GCLM: variants seen among roughly 807,000 people sequenced by gnomAD.
GCLM encodes glutamate--cysteine ligase regulatory subunit.
GCLM carries 15 observed loss-of-function variants against 36.0 expected under a neutral mutation model. The ratio of observed to expected loss-of-function variants is 0.42; its 90% CI spans 0.28 to 0.64. The LOEUF is 0.64. Among genes scored for constraint, GCLM ranks in the 30% least tolerant of loss-of-function variants. The pLI is 0.25. For missense variants in GCLM, 242 were observed against 325.5 expected (o/e 0.74, Z 1.97); for synonymous variants, 129 against 122.8 (o/e 1.05, Z -0.34).
Position 93,898,345 on chromosome 1 carries a change from T to G in GCLM, c.278-447A>C, listed in dbSNP as rs1285771581. ...AAAAAAAAAAGGCCACAATTCTACCTTCCCAATACAATCATTTTCATTTTC... is the reference window on the plus strand; with the variant it reads ...AAAAAAAAAAGGCCACAATTCTACCGTCCCAATACAATCATTTTCATTTTC... On this transcript the variant is annotated intron_variant, in intron 3 of 6. Transcript: ENST00000370238. 2.2e-5 allele frequency among the ~76,000 whole-genome samples: 3 copies of G among 137,944 alleles called. No individual in the cohort carries two copies. In the Admixed American group the frequency reaches 2.2e-4, roughly 10 times the overall value. The allele number at this position is 137,944 out of a possible 152,430, so 90.5% of individuals were successfully genotyped here. A position where few individuals can be genotyped will look rare whatever the true frequency, so the allele number is the denominator to read the frequency against.
intron 4 of GCLM, among the ~76,000 whole-genome samples, chr1:93,897,452 A>C (rs1461321963): frequency 3.9e-5 from 6 of 152,060 alleles, no homozygotes; most frequent in Non-Finnish European, 7.4e-5. Context: ...TTATTTAAGT[A>C]TTGAATAACT....
intron 4 of GCLM, among the ~76,000 whole-genome samples, chr1:93,897,178 A>T (rs1019319675): frequency 6.6e-6 from 1 of 152,156 alleles, no homozygotes; most frequent in Non-Finnish European, 1.5e-5. Flanking sequence ...TTTCTTCTCC[A>T]GTTCTACTTG....
chr1:93,888,048 C>G lies in GCLM; in HGVS notation c.*942G>C, dbSNP rs1345059331. The G allele has an allele frequency of 6.6e-6, 1 of 151,646 alleles. No individual in the cohort carries two copies. Among genetic ancestry groups the G allele is most frequent in the Non-Finnish European group, 1.5e-5 (1 of 67,914 alleles). The allele number at this position is 151,646 out of a possible 1,614,324, so 9.4% of individuals were successfully genotyped here. A position where few individuals can be genotyped will look rare whatever the true frequency, so the allele number is the denominator to read the frequency against. On this transcript the variant is annotated 3_prime_UTR_variant, in exon 7 of 7. Coordinates refer to ENST00000370238, the MANE Select transcript of GCLM (RefSeq NM_002061.4). Reference sequence around the variant, plus strand: ...TGAATTAAGGATTTTTTTTTCATCCCCTTTCTGGCTTTTAGTCCTTCCTAG... The same window carrying G: ...TGAATTAAGGATTTTTTTTTCATCCGCTTTCTGGCTTTTAGTCCTTCCTAG...
Position 93,885,660 on chromosome 1 carries a change from A to G in GCLM, c.*3330T>C, listed in dbSNP as rs2100898045. On this transcript the variant is annotated 3_prime_UTR_variant, in exon 7 of 7. Transcript: ENST00000370238. ...GGTGTATTTGAATATGAAAACACAA[A>G]TGACACAAATGGTTTAAGTCTTCAT... 1 of 152,352 alleles carries G rather than the reference A, an allele frequency of 6.6e-6. No homozygotes were observed. Among genetic ancestry groups the G allele is most frequent in the East Asian group, 1.9e-4 (1 of 5,194 alleles). The allele number at this position is 152,352 out of a possible 1,614,324, so 9.4% of individuals were successfully genotyped here. A position where few individuals can be genotyped will look rare whatever the true frequency, so the allele number is the denominator to read the frequency against.
At chr1:93,903,357 C>T (rs1219226149) in intron 2 of GCLM, among the ~76,000 whole-genome samples, 1 of 151,884 alleles carries the variant, frequency 6.6e-6, no homozygotes, top group Non-Finnish European at 1.5e-5. Context: ...CTTGCTCAGG[C>T]TAGAGTGCAG....
chr1:93,889,191 C>A (rs755118648), intron 6 of GCLM, 32 bp from the exon 7 acceptor site: 2 of 1,482,626 alleles, frequency 1.3e-6, no homozygotes, highest in Non-Finnish European at 1.8e-6. Context: ...AAAACTCCAG[C>A]GTGTTAAATT....
chr1:93,905,065 G>T (rs1657096390), intron 1 of GCLM, among the ~76,000 whole-genome samples: 1 of 151,670 alleles, frequency 6.6e-6, no homozygotes, highest in Non-Finnish European at 1.5e-5. Context: ...TAGCTACTCG[G>T]GTGGCTGAGG....
chr1:93,895,299 A>G (rs1656688684), intron 5 of GCLM, among the ~76,000 whole-genome samples: 1 of 152,026 alleles, frequency 6.6e-6, no homozygotes, highest in African/African-American at 2.4e-5. Flanking sequence ...TACAGGCATG[A>G]GCCACCATGC....
At chr1:93,905,690 T>C (rs550052243) in intron 1 of GCLM, among the ~76,000 whole-genome samples, 6 of 152,356 alleles carry the variant, frequency 3.9e-5, no homozygotes, top group East Asian at 3.9e-4. Flanking sequence ...ACTTATTTGA[T>C]AGTAGTCCAA....
chr1:93,891,877 T>A (rs1656549342), intron 6 of GCLM, among the ~76,000 whole-genome samples: 1 of 152,238 alleles, frequency 6.6e-6, no homozygotes, highest in Non-Finnish European at 1.5e-5. Context: ...TTTACATGTA[T>A]TAACTCAGTT....
chr1:93,901,816 A>G, intron 2 of GCLM, 147 bp from the exon 3 acceptor site: 2 of 559,038 alleles, frequency 3.6e-6, no homozygotes, highest in Non-Finnish European at 6.3e-6. Flanking sequence ...GGGCTTCACA[A>G]GGGTTGTAAA....
At chr1:93,894,163 CAGG>C (rs986889248) in intron 6 of GCLM, among the ~76,000 whole-genome samples, 5 of 152,080 alleles carry the variant, frequency 3.3e-5, no homozygotes, top group Admixed American at 1.3e-4. Context: ...AAGGCTGAGG[CAGG>C]AGGAGAGCTT....
chr1:93,907,387 T>C (rs941297202), intron 1 of GCLM, among the ~76,000 whole-genome samples: 1 of 152,138 alleles, frequency 6.6e-6, no homozygotes, highest in African/African-American at 2.4e-5. Flanking sequence ...AATCAACATT[T>C]TAAAAATTAA....
At chr1:93,894,564 G>A (rs772164973) in intron 6 of GCLM, 50 bp downstream of exon 6, 2 of 975,042 alleles carry the variant, frequency 2.1e-6, no homozygotes, top group Admixed American at 3.7e-5. Context: ...ATACCTTTTT[G>A]TAAGACAAAA....
chr1:93,902,920 A>G (rs1657015579), intron 2 of GCLM, among the ~76,000 whole-genome samples: 1 of 152,140 alleles, frequency 6.6e-6, no homozygotes, highest in South Asian at 2.1e-4. Flanking sequence ...TTTTTCCAGA[A>G]TATCAAATAG....
rs1656379238 is a variant in GCLM at position 93,887,856 on chromosome 1, A to G, written c.*1134T>C. 6.6e-6 allele frequency: 1 copy of G among 152,226 alleles called. No individual in the cohort carries two copies. The highest frequency in any genetic ancestry group is 2.4e-5 in the African/African-American group (1 of 41,460). 9.4% of individuals were successfully genotyped at this position (152,226 alleles called of 1,614,324 possible). On this transcript the variant is annotated 3_prime_UTR_variant, in exon 7 of 7. Coordinates refer to ENST00000370238, the MANE Select transcript of GCLM (RefSeq NM_002061.4). Reference sequence around the variant, plus strand: ...ATTAAGGAGATTTATAGTGTACATCAAAGTTCATAGCTTATTTATTTGCAA... The same window carrying G: ...ATTAAGGAGATTTATAGTGTACATCGAAGTTCATAGCTTATTTATTTGCAA...
Position 93,894,108 on chromosome 1 carries a change from A to C in GCLM, c.655+506T>G, listed in dbSNP as rs17878275. Among the ~76,000 whole-genome samples, 53 of 152,038 alleles carry C rather than the reference A, an allele frequency of 3.5e-4. 1 individual carries two copies. In the East Asian group the frequency reaches 9.8e-3, roughly 28 times the overall value. On this transcript the variant is annotated intron_variant, in intron 6 of 6. Coordinates refer to ENST00000370238, the MANE Select transcript of GCLM (RefSeq NM_002061.4). ...CCCTGTCTCTGCAAAAAATAGAAAA[A>C]TTAGCTAAGTGTGGTGGTATGCGCC...
chr1:93,904,424 T>G, intron 2 of GCLM, 99 bp downstream of exon 2: 1 of 771,568 alleles, frequency 1.3e-6, no homozygotes, highest in South Asian at 1.4e-5. Flanking sequence ...TATGGCTAAT[T>G]GCCTATTTGA....
At chr1:93,898,815 G>C (rs1482373301) in intron 3 of GCLM, among the ~76,000 whole-genome samples, 1 of 151,926 alleles carries the variant, frequency 6.6e-6, no homozygotes, top group South Asian at 2.1e-4. Flanking sequence ...GTAGACACAG[G>C]GTCTCGATAT....
Sources: allele counts gnomAD v4.1 joint callset (sites outside exome capture counted in the v4.1 genomes callset), GRCh38; gene constraint gnomAD v4.1.1; transcripts MANE v1.5; gene names NCBI Gene and HGNC (gene_info 2026-07-23, HGNC 2026-07-21).